Variants in TMEM9B observed in about 807,000 individuals in gnomAD.
TMEM9B encodes transmembrane protein 9B.
In TMEM9B, 8 loss-of-function variants were observed where a neutral mutation model predicts 23.5. That is an observed-to-expected ratio of 0.34 (90% CI 0.20 to 0.61). The LOEUF (loss-of-function observed/expected upper bound fraction) is 0.61, where lower values mean the gene tolerates loss of function less well. TMEM9B is among the 20% of genes least tolerant of loss of function. The pLI, the probability that TMEM9B is intolerant of heterozygous loss-of-function variation, is 0.78. For synonymous variants in TMEM9B, 106 were observed against 96.3 expected, an observed-to-expected ratio of 1.10 and a Z score of -0.59; for missense variants, 197 against 252.3, an observed-to-expected ratio of 0.78 and a Z score of 1.49.
chr11:8,952,247 T>TACACACAC (rs760980883), intron 4 of TMEM9B, among the ~76,000 whole-genome samples: 1,072 of 38,948 alleles, frequency 0.028, 11 homozygotes, highest in African/African-American at 0.046. Flanking sequence ...ATGCCAACTA[T>TACACACAC]ATACACACAC....
intron 3 of TMEM9B, among the ~76,000 whole-genome samples, chr11:8,954,960 G>A (rs1254070997): frequency 6.6e-6 from 1 of 152,088 alleles, no homozygotes; most frequent in African/African-American, 2.4e-5. Context: ...AGACCAGCCT[G>A]ACCAACATGG....
At chr11:8,952,247 T>TACACACACAC (rs760980883) in intron 4 of TMEM9B, among the ~76,000 whole-genome samples, 146 of 38,982 alleles carry the variant, frequency 3.7e-3, no homozygotes, top group African/African-American at 6.5e-3. Context: ...ATGCCAACTA[T>TACACACACAC]ATACACACAC....
At chr11:8,952,279 C>CACACACACACACACACACACACAT (rs371219457) in intron 4 of TMEM9B, among the ~76,000 whole-genome samples, 15 of 126,138 alleles carry the variant, frequency 1.2e-4, no homozygotes, top group African/African-American at 3.9e-4. Flanking sequence ...CACACACACA[C>CACACACACACACACACACACACAT]GCTATATATA....
upstream of TMEM9B, chr11:8,964,500 A>G: frequency 2.8e-6 from 4 of 1,410,088 alleles, no homozygotes; most frequent in South Asian, 4.7e-5. Context: ...CCGCCCCGGA[A>G]CCGGTTACCA....
At chr11:8,953,049 A>T (rs1444475767) in intron 4 of TMEM9B, 154 bp downstream of exon 4, 6 of 813,746 alleles carry the variant, frequency 7.4e-6, no homozygotes, top group Non-Finnish European at 1.2e-5. Context: ...CTTCATAAAG[A>T]GGTATATACT....
intron 3 of TMEM9B, among the ~76,000 whole-genome samples, chr11:8,954,761 A>G (rs2568087): frequency 0.59 from 90,237 of 152,040 alleles, 27,161 homozygotes; most frequent in East Asian, 0.77. Context: ...GCTCTTCCAC[A>G]GGGTCAATCA....
At chr11:8,958,387 G>A (rs1011482886) in intron 2 of TMEM9B, among the ~76,000 whole-genome samples, 7 of 151,116 alleles carry the variant, frequency 4.6e-5, no homozygotes, top group African/African-American at 1.7e-4. Flanking sequence ...ACTTGAACCT[G>A]GGAGGCAGAG....
chr11:8,964,017 G>C lies in TMEM9B; in HGVS notation c.105+192C>G, dbSNP rs1589950170. The C allele has an allele frequency of 1.5e-5, 9 of 591,868 alleles. No individual in the cohort carries two copies. The South Asian group carries it at 1.5e-4, about 10-fold the overall frequency. 36.7% of individuals were successfully genotyped at this position (591,868 alleles called of 1,614,324 possible). On this transcript the variant is annotated intron_variant, in intron 1 of 4. Coordinates refer to ENST00000534025, the MANE Select transcript of TMEM9B (RefSeq NM_020644.3). ...GTGGGGCGCTGCCTGCCAGGCTGTC[G>C]GGGCTGAGGGCGAGAGTGCCGCCGG...
chr11:8,964,023 G>GA, intron 1 of TMEM9B, 186 bp downstream of exon 1: 1 of 608,862 alleles, frequency 1.6e-6, no homozygotes, highest in Non-Finnish European at 2.8e-6. Context: ...TGTCGGGGCT[G>GA]AGGGCGAGAG....
chr11:8,951,544 G>A (rs1208414261), intron 4 of TMEM9B, among the ~76,000 whole-genome samples: 1 of 151,494 alleles, frequency 6.6e-6, no homozygotes, highest in African/African-American at 2.4e-5. Flanking sequence ...GAGGTCAGGA[G>A]ATTGAGACCA....
intron 4 of TMEM9B, 105 bp downstream of exon 4, chr11:8,953,098 T>TGCTTAA: frequency 7.1e-7 from 1 of 1,409,046 alleles, no homozygotes; most frequent in Non-Finnish European, 1.0e-6. Context: ...GTTGAGGATC[T>TGCTTAA]GCTTCAGCAC....
At chr11:8,952,279 C>CACACAT (rs371219457) in intron 4 of TMEM9B, among the ~76,000 whole-genome samples, 81 of 126,138 alleles carry the variant, frequency 6.4e-4, no homozygotes, top group East Asian at 2.5e-3. Context: ...CACACACACA[C>CACACAT]GCTATATATA....
chr11:8,963,985 G>T (rs1368405768), intron 1 of TMEM9B: 5 of 557,406 alleles, frequency 9.0e-6, no homozygotes, highest in South Asian at 2.3e-5. Flanking sequence ...CGGGGCTGGG[G>T]ACGACCGTGG....
rs1239345793 is a variant in TMEM9B, at chr11:8,964,275, G to A, written c.39C>T (p.Ser13=). ...GCGCCAGGCACGACAGGCTGAGCAAGGAGCCAAGCCGAAGAAGGCCTCCCC... is the reference window on the plus strand; with the variant it reads ...GCGCCAGGCACGACAGGCTGAGCAAAGAGCCAAGCCGAAGAAGGCCTCCCC... ...TLWGGLLRLG[S]LLSLSCLALS... is the part of the protein sequence containing the mutation. Residue 13 remains serine (S), a synonymous_variant, in exon 1 of 5, where the codon TCC becomes TCT. Transcript: ENST00000534025. 2 of 1,595,398 alleles carry A rather than the reference G, an allele frequency of 1.3e-6. No individual in the cohort carries two copies. The highest frequency in any genetic ancestry group is 2.3e-5 in the East Asian group (1 of 44,004).
intron 2 of TMEM9B, among the ~76,000 whole-genome samples, chr11:8,961,412 C>T (rs1177938465): frequency 1.3e-5 from 2 of 152,220 alleles, no homozygotes; most frequent in Non-Finnish European, 2.9e-5. Context: ...ACACATTCAT[C>T]CTGCTGTAAT....
intron 4 of TMEM9B, among the ~76,000 whole-genome samples, chr11:8,950,402 T>C (rs561365456): frequency 3.9e-5 from 6 of 152,324 alleles, no homozygotes; most frequent in East Asian, 1.9e-4. Context: ...ATTATCACCA[T>C]TGGTTTGTTT....
Position 8,949,574 on chromosome 11 carries a change from A to G in TMEM9B, c.442-1099T>C, listed in dbSNP as rs190622451. Among the ~76,000 whole-genome samples, 8 of 152,344 alleles carry G rather than the reference A, an allele frequency of 5.3e-5. No individual in the cohort carries two copies. In the East Asian group the frequency reaches 1.5e-3, roughly 29 times the overall value. On this transcript the variant is annotated intron_variant, in intron 4 of 4. Transcript: ENST00000534025. The stretch of plus-strand genomic sequence containing the variant: ...TTTGAAAAAGCTCTATTATATATCC[A>G]GGGCAGGAGTCTGCATGTATATGGA...
upstream of TMEM9B, chr11:8,964,520 G>A (rs1440932905): frequency 2.2e-6 from 3 of 1,386,672 alleles, no homozygotes; most frequent in African/African-American, 1.5e-5. Context: ...AGTGCGAAGG[G>A]CCGGGAGGCT....
chr11:8,961,782 G>C (rs1179392674), intron 2 of TMEM9B, among the ~76,000 whole-genome samples: 1 of 152,168 alleles, frequency 6.6e-6, no homozygotes, highest in African/African-American at 2.4e-5. Flanking sequence ...GAGGGAGAAA[G>C]GTCCCTCACC....
Sources: gnomAD v4.1 joint callset for allele counts (sites outside exome capture counted in the v4.1 genomes callset) on GRCh38, gnomAD v4.1.1 for gene constraint, MANE v1.5 for transcripts, NCBI Gene and HGNC (gene_info 2026-07-23, HGNC 2026-07-21) for gene names.